Variants in DAB1 observed in about 807,000 individuals in gnomAD.
DAB1 encodes the protein disabled homolog 1.
DAB1 carries 15 observed loss-of-function variants against 64.6 expected under a neutral mutation model. The observed-to-expected ratio is 0.23, with a 90% CI of 0.16 to 0.36. The LOEUF (loss-of-function observed/expected upper bound fraction) is 0.36. DAB1 is among the 10% of genes least tolerant of loss of function. The pLI, the probability that DAB1 is intolerant of heterozygous loss-of-function variation, is 1.00. For synonymous variants in DAB1, 235 were observed against 251.9 expected (o/e 0.93, Z 0.64); for missense variants, 596 against 706.7 (o/e 0.84, Z 1.78).
rs183184835 is a variant in DAB1, at chr1:56,998,567, A to G, written c.*16-439T>C. On this transcript the variant is annotated intron_variant, in intron 14 of 14. Transcript: ENST00000371236. ...TAGCAATACATCTTCAGAAATTGCT[A>G]ACAATTACCATGAGACAAGTGGACA... Among the ~76,000 whole-genome samples, 252 of 152,330 alleles carry G rather than the reference A, an allele frequency of 1.7e-3. 2 individuals are homozygous for G. Among genetic ancestry groups the G allele is most frequent in the Middle Eastern group, 6.8e-3 (2 of 294 alleles).
At chr1:57,437,800 C>G (rs1035930817) in intron 7 of DAB1, among the ~76,000 whole-genome samples, 1 of 152,134 alleles carries the variant, frequency 6.6e-6, no homozygotes, top group African/African-American at 2.4e-5. Context: ...CATTAAATGT[C>G]TCTCTATCCA....
chr1:58,000,201 G>A (rs1478898962), intron 5 of DAB1, among the ~76,000 whole-genome samples: 1 of 152,196 alleles, frequency 6.6e-6, no homozygotes, highest in Admixed American at 6.5e-5. Context: ...GAATGGAAAT[G>A]AAATAAGTCT....
intron 2 of DAB1, among the ~76,000 whole-genome samples, chr1:58,509,924 A>G (rs2100424717): frequency 6.6e-6 from 1 of 152,236 alleles, no homozygotes; most frequent in East Asian, 1.9e-4. Flanking sequence ...GAAATATACA[A>G]CCCACTAAGA....
chr1:58,075,271 A>G (rs1279044166), intron 5 of DAB1, among the ~76,000 whole-genome samples: 1 of 152,208 alleles, frequency 6.6e-6, no homozygotes, highest in East Asian at 1.9e-4. Context: ...AGTCTGTTCA[A>G]AAATACTCTG....
At chr1:57,984,836 C>T (rs201356474) in intron 5 of DAB1, among the ~76,000 whole-genome samples, 4 of 152,082 alleles carry the variant, frequency 2.6e-5, no homozygotes, top group Non-Finnish European at 5.9e-5. Flanking sequence ...AATAAAGGGG[C>T]TTTGGAAACT....
intron 5 of DAB1, among the ~76,000 whole-genome samples, chr1:58,134,601 C>A (rs1360397148): frequency 6.6e-6 from 1 of 152,154 alleles, no homozygotes; most frequent in African/African-American, 2.4e-5. Context: ...AACTTACAAT[C>A]ATGACAGAAG....
chr1:58,077,614 G>A (rs1649735681), intron 5 of DAB1, among the ~76,000 whole-genome samples: 1 of 152,222 alleles, frequency 6.6e-6, no homozygotes, highest in African/African-American at 2.4e-5. Context: ...ATTACAGGCT[G>A]GGTAATTGTT....
chr1:58,127,612 C>A (rs1017666537), intron 5 of DAB1, among the ~76,000 whole-genome samples: 1 of 152,178 alleles, frequency 6.6e-6, no homozygotes, highest in African/African-American at 2.4e-5. Flanking sequence ...TTAACTCTTT[C>A]ATCCATCTTG....
chr1:58,147,432 C>G (rs1477563522), intron 5 of DAB1, among the ~76,000 whole-genome samples: 10 of 150,478 alleles, frequency 6.6e-5, no homozygotes, highest in Non-Finnish European at 1.0e-4. Flanking sequence ...TCCTGGCTAA[C>G]ATAGTGAAAT....
At chr1:58,300,520 C>G (rs184871552) in intron 4 of DAB1, among the ~76,000 whole-genome samples, 1 of 143,974 alleles carries the variant, frequency 6.9e-6, no homozygotes. Context: ...GCACTCCAGC[C>G]TGGGCAACAA....
At chr1:57,487,209 CTT>C (rs780064653) in intron 7 of DAB1, among the ~76,000 whole-genome samples, 3 of 152,178 alleles carry the variant, frequency 2.0e-5, no homozygotes, top group Non-Finnish European at 4.4e-5. Flanking sequence ...TATAGTTCCT[CTT>C]AATTCTTCTC....
At chr1:57,677,633 G>T (rs1414734118) in intron 6 of DAB1, among the ~76,000 whole-genome samples, 1 of 152,120 alleles carries the variant, frequency 6.6e-6, no homozygotes, top group Non-Finnish European at 1.5e-5. Context: ...TTAAATAATA[G>T]AATTGCTTAG....
intron 3 of DAB1, among the ~76,000 whole-genome samples, chr1:58,372,610 G>A (rs1175619479): frequency 6.6e-6 from 1 of 152,120 alleles, no homozygotes; most frequent in Non-Finnish European, 1.5e-5. Flanking sequence ...GAATAATATG[G>A]TTTGTCTCTA....
chr1:58,285,783 A>G (rs746139200), intron 4 of DAB1, among the ~76,000 whole-genome samples: 6 of 152,224 alleles, frequency 3.9e-5, no homozygotes, highest in Non-Finnish European at 8.8e-5. Flanking sequence ...TTACACTATC[A>G]TTGACATTCT....
At chr1:58,081,367 C>T (rs74410408) in intron 5 of DAB1, among the ~76,000 whole-genome samples, 9,453 of 152,194 alleles carry the variant, frequency 0.062, 364 homozygotes, top group Middle Eastern at 0.099. Context: ...TTGCTGGTGC[C>T]ATGTGTACCT....
At chr1:57,300,635 G>A (rs1047807851) in intron 1 of DAB1, among the ~76,000 whole-genome samples, 2 of 152,140 alleles carry the variant, frequency 1.3e-5, no homozygotes, top group Non-Finnish European at 2.9e-5. Context: ...AGAATGCAAT[G>A]GGCCTGAATT....
chr1:57,372,815 T>C (rs1261469665), intron 1 of DAB1, among the ~76,000 whole-genome samples: 2 of 152,128 alleles, frequency 1.3e-5, no homozygotes, highest in African/African-American at 4.8e-5. Context: ...GAATATATGA[T>C]ACACTTCTCG....
chr1:57,691,972 C>T (rs1558615777), intron 6 of DAB1, among the ~76,000 whole-genome samples: 2 of 152,042 alleles, frequency 1.3e-5, no homozygotes, highest in African/African-American at 4.8e-5. Context: ...TCTAACAACC[C>T]CCAACTCTTC....
chr1:58,430,946 G>A (rs1031763637), intron 3 of DAB1, among the ~76,000 whole-genome samples: 3 of 152,186 alleles, frequency 2.0e-5, no homozygotes, highest in African/African-American at 4.8e-5. Flanking sequence ...ACAGGTGAAC[G>A]CAGATGCCAT....
Sources: gnomAD v4.1 joint callset for allele counts (sites outside exome capture counted in the v4.1 genomes callset) on GRCh38, gnomAD v4.1.1 for gene constraint, MANE v1.5 for transcripts, NCBI Gene and HGNC (gene_info 2026-07-23, HGNC 2026-07-21) for gene names.